The following RPSA2 variants were observed in gnomAD, a reference collection of about 807,000 sequenced individuals.
RPSA2 encodes small ribosomal subunit protein uS2B.
the RPSA2 span, among the ~76,000 whole-genome samples, chr19:23,797,629 T>C: frequency 6.7e-6 from 1 of 149,074 alleles, no homozygotes; most frequent in Non-Finnish European, 1.5e-5. Context: ...TAGGTTCTAA[T>C]GTTTTGTTAA....
the RPSA2 span, chr19:23,827,561 C>T: frequency 1.4e-4 from 219 of 1,594,150 alleles, no homozygotes; most frequent in Admixed American, 6.3e-4. Context: ...CCACCAGCCT[C>T]TCACGGAGGC....
At chr19:23,859,823 T>C in the RPSA2 span, among the ~76,000 whole-genome samples, 2 of 152,218 alleles carry the variant, frequency 1.3e-5, no homozygotes, top group Non-Finnish European at 2.9e-5. Flanking sequence ...GTCCCTGCTT[T>C]GTAAATATGC....
At chr19:23,780,418 C>A in the RPSA2 span, among the ~76,000 whole-genome samples, 2 of 151,970 alleles carry the variant, frequency 1.3e-5, no homozygotes, top group South Asian at 2.1e-4. Flanking sequence ...CTGAGGTGGG[C>A]GGATCACAAG....
the RPSA2 span, among the ~76,000 whole-genome samples, chr19:23,805,249 C>T: frequency 1.3e-5 from 2 of 151,996 alleles, no homozygotes; most frequent in African/African-American, 4.8e-5. Context: ...ACTGCAACCT[C>T]CACCTCCCGC....
At chr19:23,813,241 A>AAAC in the RPSA2 span, among the ~76,000 whole-genome samples, 2 of 151,812 alleles carry the variant, frequency 1.3e-5, no homozygotes, top group Non-Finnish European at 1.5e-5. Flanking sequence ...TCAAAAAAAA[A>AAAC]AAAAAAAAGT....
At chr19:23,812,170 C>A in the RPSA2 span, among the ~76,000 whole-genome samples, 33 of 151,880 alleles carry the variant, frequency 2.2e-4, 1 homozygote, top group African/African-American at 7.7e-4. Flanking sequence ...TTCTTAATAT[C>A]AGTTTATTGT....
At chr19:23,812,054 T>C in the RPSA2 span, among the ~76,000 whole-genome samples, 1 of 152,206 alleles carries the variant, frequency 6.6e-6, no homozygotes, top group Non-Finnish European at 1.5e-5. Flanking sequence ...ATTGCAGTTA[T>C]CTAGACAAAT....
At chr19:23,833,089 T>C in the RPSA2 span, 1 of 1,280,592 alleles carries the variant, frequency 7.8e-7, no homozygotes, top group Non-Finnish European at 1.0e-6. Flanking sequence ...TTTTAACCTG[T>C]CTTCAAGCTT....
chr19:23,867,382 A>G, the RPSA2 span, among the ~76,000 whole-genome samples: 1 of 152,216 alleles, frequency 6.6e-6, no homozygotes, highest in Non-Finnish European at 1.5e-5. Context: ...TGGGGTCGAG[A>G]CTTACTTATA....
the RPSA2 span, among the ~76,000 whole-genome samples, chr19:23,870,304 A>C: frequency 6.6e-6 from 1 of 152,354 alleles, no homozygotes; most frequent in Middle Eastern, 3.4e-3. Context: ...GAGTAAAATT[A>C]ACACTGAGTT....
the RPSA2 span, among the ~76,000 whole-genome samples, chr19:23,761,812 G>C: frequency 6.6e-6 from 1 of 151,750 alleles, no homozygotes; most frequent in African/African-American, 2.4e-5. Context: ...CTGAAATGCA[G>C]CGTAGTCACG....
chr19:23,778,409 T>G, the RPSA2 span, among the ~76,000 whole-genome samples: 1 of 152,288 alleles, frequency 6.6e-6, no homozygotes, highest in Non-Finnish European at 1.5e-5. Context: ...AGACAGGGTT[T>G]CTTCATGTTG....
At chr19:23,860,919 A>C in the RPSA2 span, among the ~76,000 whole-genome samples, 3 of 152,310 alleles carry the variant, frequency 2.0e-5, no homozygotes, top group East Asian at 5.8e-4. Context: ...CACTTATAAA[A>C]GAAACTAGAC....
chr19:23,857,844 T>C, the RPSA2 span, among the ~76,000 whole-genome samples: 3 of 151,966 alleles, frequency 2.0e-5, no homozygotes, highest in African/African-American at 7.2e-5. Flanking sequence ...TTTCTTAGAG[T>C]ACTGAAGAAT....
At chr19:23,800,053 G>C in the RPSA2 span, among the ~76,000 whole-genome samples, 1 of 135,190 alleles carries the variant, frequency 7.4e-6, no homozygotes, top group Non-Finnish European at 1.5e-5. Flanking sequence ...TTTTGAGACA[G>C]AGTCTCGCTG....
chr19:23,862,738 C>T, the RPSA2 span, among the ~76,000 whole-genome samples: 1 of 144,596 alleles, frequency 6.9e-6, no homozygotes, highest in Non-Finnish European at 1.5e-5. Flanking sequence ...TGCACATGTA[C>T]CCTAAAACTT....
At chr19:23,849,687 AAAAT>A in the RPSA2 span, among the ~76,000 whole-genome samples, 2 of 152,180 alleles carry the variant, frequency 1.3e-5, no homozygotes, top group African/African-American at 4.8e-5. Flanking sequence ...AATAAGAAAT[AAAAT>A]AAGTAGCCTC....
At chr19:23,845,283 T>C in the RPSA2 span, among the ~76,000 whole-genome samples, 12 of 150,140 alleles carry the variant, frequency 8.0e-5, no homozygotes, top group Non-Finnish European at 1.5e-4. Flanking sequence ...ATGTTTTTTT[T>C]TTCTTCTTCT....
At chr19:23,787,582 C>T in the RPSA2 span, among the ~76,000 whole-genome samples, 1 of 152,096 alleles carries the variant, frequency 6.6e-6, no homozygotes, top group African/African-American at 2.4e-5. Flanking sequence ...GCACTCCAGC[C>T]TGGGTGATAG....
Sources: allele counts gnomAD v4.1 joint callset (sites outside exome capture counted in the v4.1 genomes callset), GRCh38; gene constraint gnomAD v4.1.1; transcripts MANE v1.5; gene names NCBI Gene and HGNC (gene_info 2026-07-23, HGNC 2026-07-21).